The following SMOC1 variants were observed in gnomAD, a reference collection of about 807,000 sequenced individuals.
The protein encoded by SMOC1 is SPARC-related modular calcium-binding protein 1.
SMOC1 carries 22 observed loss-of-function variants against 56.3 expected under a neutral mutation model. The ratio of observed to expected loss-of-function variants is 0.39; its 90% CI spans 0.28 to 0.56. The LOEUF (loss-of-function observed/expected upper bound fraction) is 0.56, where lower values mean the gene tolerates loss of function less well. Among genes scored for constraint, SMOC1 ranks in the 20% least tolerant of loss-of-function variants. The probability of loss-of-function intolerance (pLI) is 0.61; values close to 1 mark genes in which losing one functional copy is unlikely to be tolerated. For missense variants in SMOC1, 509 were observed against 565.4 expected, an observed-to-expected ratio of 0.90 and a Z score of 1.01; for synonymous variants, 193 against 215.0, an observed-to-expected ratio of 0.90 and a Z score of 0.89.
At chr14:69,935,677 G>T (rs572624159) in intron 1 of SMOC1, among the ~76,000 whole-genome samples, 1 of 151,928 alleles carries the variant, frequency 6.6e-6, no homozygotes, top group African/African-American at 2.4e-5. Context: ...GTGGGTGGCA[G>T]CACGGGGGTG....
intron 3 of SMOC1, among the ~76,000 whole-genome samples, chr14:69,964,172 T>C (rs1462612824): frequency 6.6e-6 from 1 of 152,192 alleles, no homozygotes; most frequent in Non-Finnish European, 1.5e-5. Flanking sequence ...GAGCTCCCTG[T>C]AGCCCTTAGT....
intron 11 of SMOC1, among the ~76,000 whole-genome samples, chr14:70,026,257 C>G (rs1036633445): frequency 6.6e-6 from 1 of 152,184 alleles, no homozygotes; most frequent in Admixed American, 6.5e-5. Context: ...CCAGGCATAC[C>G]AGGGGCACTC....
At chr14:69,943,032 G>A (rs549481647) in intron 1 of SMOC1, among the ~76,000 whole-genome samples, 19 of 151,560 alleles carry the variant, frequency 1.3e-4, no homozygotes, top group East Asian at 3.9e-4. Context: ...GTGGAGGAGG[G>A]AAGTCGGGTG....
intron 1 of SMOC1, among the ~76,000 whole-genome samples, chr14:69,881,101 C>A (rs1360232759): frequency 1.3e-5 from 2 of 152,180 alleles, no homozygotes; most frequent in East Asian, 3.8e-4. Flanking sequence ...AGATCCAGGG[C>A]GTGTCATAAA....
At chr14:70,025,485 G>A (rs1267901867) in intron 11 of SMOC1, among the ~76,000 whole-genome samples, 1 of 152,172 alleles carries the variant, frequency 6.6e-6, no homozygotes, top group Non-Finnish European at 1.5e-5. Context: ...TGACGCGGAT[G>A]CTTCTCTGTT....
intron 7 of SMOC1, among the ~76,000 whole-genome samples, chr14:70,000,383 A>G (rs1215072461): frequency 6.6e-6 from 1 of 152,216 alleles, no homozygotes; most frequent in Non-Finnish European, 1.5e-5. Flanking sequence ...GAAAGTACAG[A>G]GACTGTCAGG....
chr14:69,930,321 T>C (rs558276925), intron 1 of SMOC1, among the ~76,000 whole-genome samples: 109 of 148,562 alleles, frequency 7.3e-4, no homozygotes, highest in African/African-American at 2.6e-3. Context: ...AGCTGCCGGA[T>C]CACCTCACTT....
chr14:69,910,527 C>T (rs188759267), intron 1 of SMOC1, among the ~76,000 whole-genome samples: 7 of 152,154 alleles, frequency 4.6e-5, no homozygotes, highest in African/African-American at 1.7e-4. Context: ...CACCTTCTGC[C>T]TATAAGACAG....
intron 1 of SMOC1, among the ~76,000 whole-genome samples, chr14:69,922,943 T>TG (rs1884888968): frequency 1.3e-5 from 2 of 151,170 alleles, no homozygotes; most frequent in African/African-American, 4.9e-5. Context: ...TTTTTTTTGT[T>TG]TTTTTTGTTT....
chr14:69,960,245 G>A (rs867903089), intron 3 of SMOC1, among the ~76,000 whole-genome samples: 35 of 152,162 alleles, frequency 2.3e-4, no homozygotes, highest in African/African-American at 7.2e-4. Context: ...TTGTCTTCAT[G>A]TGGATATATC....
intron 1 of SMOC1, among the ~76,000 whole-genome samples, chr14:69,907,591 A>C (rs1401896590): frequency 6.6e-6 from 1 of 152,218 alleles, no homozygotes; most frequent in African/African-American, 2.4e-5. Context: ...TTTAGCTCTA[A>C]GGGTAATGTG....
In SMOC1 at chr14:70,010,801, G is replaced by A; in HGVS notation, c.712G>A (p.Ala238Thr). Residue 238 changes from alanine to threonine, a missense_variant, in exon 8 of 12, where the codon GCC becomes ACC. This residue lies in a region of SMOC1 where 315 missense variants were observed against 333.1 expected (regional missense o/e 0.95). Coordinates refer to ENST00000361956, the MANE Select transcript of SMOC1 (RefSeq NM_001034852.3). The part of the protein sequence containing the change: ...DQERQSALEE[A>T]QQNPREGIVI... ...GGAGAGGCAGAGTGCCCTGGAAGAG[G>A]CCCAGCAGAATCCCCGTGAGGGTAT... 1 of 1,614,234 alleles carries A rather than the reference G, an allele frequency of 6.2e-7. No homozygotes were observed. Among genetic ancestry groups the A allele is most frequent in the Non-Finnish European group, 8.5e-7 (1 of 1,180,038 alleles).
At chr14:69,988,849 ATTCTT>A (rs1884462047) in intron 5 of SMOC1, among the ~76,000 whole-genome samples, 1 of 152,200 alleles carries the variant, frequency 6.6e-6, no homozygotes, top group East Asian at 1.9e-4. Flanking sequence ...TGTCTTTGAG[ATTCTT>A]CATCTACATT....
intron 7 of SMOC1, among the ~76,000 whole-genome samples, chr14:70,005,894 T>G (rs966370464): frequency 3.9e-5 from 6 of 152,182 alleles, no homozygotes; most frequent in Admixed American, 1.3e-4. Context: ...CATAGATACC[T>G]GGCCAGACCT....
chr14:69,899,949 T>C (rs1178771163), intron 1 of SMOC1, among the ~76,000 whole-genome samples: 3 of 152,236 alleles, frequency 2.0e-5, no homozygotes, highest in Admixed American at 1.3e-4. Context: ...TGGTTTGCCA[T>C]GTGAAATGAG....
intron 1 of SMOC1, among the ~76,000 whole-genome samples, chr14:69,919,707 C>G (rs1884781175): frequency 6.6e-6 from 1 of 152,144 alleles, no homozygotes; most frequent in Non-Finnish European, 1.5e-5. Context: ...TTGGGTGGGC[C>G]TAAGATCTAC....
chr14:69,917,563 T>C (rs144382489), intron 1 of SMOC1, among the ~76,000 whole-genome samples: 10 of 152,376 alleles, frequency 6.6e-5, no homozygotes, highest in African/African-American at 2.4e-4. Context: ...TTAGTAAGTG[T>C]TGTGTAAATA....
chr14:69,932,584 G>A (rs1276121), intron 1 of SMOC1, among the ~76,000 whole-genome samples: 81,883 of 152,056 alleles, frequency 0.54, 23,853 homozygotes, highest in African/African-American at 0.76. Flanking sequence ...CCTCTCCTCC[G>A]GCTCTCAAAG....
At chr14:69,882,205 G>A (rs1381417950) in intron 1 of SMOC1, among the ~76,000 whole-genome samples, 8 of 152,102 alleles carry the variant, frequency 5.3e-5, no homozygotes, top group Non-Finnish European at 1.0e-4. Context: ...TGTTGAGAGC[G>A]GCGTCATCCG....
Sources: allele counts gnomAD v4.1 joint callset (sites outside exome capture counted in the v4.1 genomes callset), GRCh38; gene constraint gnomAD v4.1.1; regional missense constraint gnomAD v4.1.1; transcripts MANE v1.5; gene names NCBI Gene and HGNC (gene_info 2026-07-23, HGNC 2026-07-21).